The following CALN1 variants were observed in gnomAD, a reference collection of about 807,000 sequenced individuals.
CALN1 encodes the protein calneuron 1, also known as calcium-binding protein 8.
CALN1 carries 17 observed loss-of-function variants against 30.6 expected under a neutral mutation model. That is an observed-to-expected ratio of 0.56 (90% CI 0.38 to 0.83). The LOEUF is 0.83. Ranked by LOEUF, CALN1 falls within the 40% of genes least tolerant of loss-of-function variation. The pLI is 0.00. For missense variants in CALN1, 291 were observed against 354.9 expected (o/e 0.82, Z 1.45); for synonymous variants, 156 against 131.4 (o/e 1.19, Z -1.28).
chr7:72,164,828 T>G (rs1788401551), intron 3 of CALN1, among the ~76,000 whole-genome samples: 1 of 152,152 alleles, frequency 6.6e-6, no homozygotes, highest in Admixed American at 6.5e-5. Context: ...CATGCCTGGC[T>G]AATTTGTTAA....
intron 4 of CALN1, among the ~76,000 whole-genome samples, chr7:72,080,482 T>C (rs1805061551): frequency 6.6e-6 from 1 of 152,208 alleles, no homozygotes; most frequent in Admixed American, 6.5e-5. Context: ...CTATGCCAAG[T>C]GCCTGGGATG....
chr7:72,427,254 G>T (rs1445598353), intron 1 of CALN1, among the ~76,000 whole-genome samples: 1 of 152,120 alleles, frequency 6.6e-6, no homozygotes, highest in East Asian at 1.9e-4. Flanking sequence ...GGGATTACAG[G>T]TGTGAGCCAC....
At chr7:72,322,232 C>T (rs1800932707) in intron 2 of CALN1, among the ~76,000 whole-genome samples, 1 of 152,168 alleles carries the variant, frequency 6.6e-6, no homozygotes, top group Non-Finnish European at 1.5e-5. Context: ...AGGTTGCAAC[C>T]TAGATCCCTT....
chr7:72,033,925 G>A (rs1169379154), intron 4 of CALN1, among the ~76,000 whole-genome samples: 1 of 152,124 alleles, frequency 6.6e-6, no homozygotes, highest in Non-Finnish European at 1.5e-5. Context: ...GGAGGATGGG[G>A]ATTGGAGAAG....
At chr7:72,428,472 G>A (rs556156956) in intron 1 of CALN1, among the ~76,000 whole-genome samples, 1 of 151,566 alleles carries the variant, frequency 6.6e-6, no homozygotes, top group South Asian at 2.1e-4. Flanking sequence ...GCTCACTGCA[G>A]CCTCAACATC....
rs1259538809 is a variant in CALN1, at chr7:71,787,828, T to C, written c.733A>G (p.Ile245Val). The change falls in exon 7 of 7, where the codon ATC (isoleucine) becomes GTC (valine). Residue 245 changes from isoleucine to valine, a missense_variant. Physicochemically the swap from Ile to Val is conservative, Grantham distance 29. Transcript: ENST00000395275. ...TTGGCTGCAATCAGCATGACACTGATGATGAAGGCCATAGCAAAGGCGCAT... is the reference window on the plus strand; with the variant it reads ...TTGGCTGCAATCAGCATGACACTGACGATGAAGGCCATAGCAAAGGCGCAT... Reference protein sequence around the residue: ...LICAFAMAFIISVMLIAANQI... With the variant: ...LICAFAMAFIVSVMLIAANQI... 6.2e-7 allele frequency: 1 copy of C among 1,614,004 alleles called. No individual in the cohort carries two copies. Among genetic ancestry groups the C allele is most frequent in the Non-Finnish European group, 8.5e-7 (1 of 1,180,044 alleles).
intron 5 of CALN1, among the ~76,000 whole-genome samples, chr7:71,936,755 T>A (rs889288156): frequency 6.6e-6 from 1 of 152,116 alleles, no homozygotes; most frequent in Non-Finnish European, 1.5e-5. Context: ...CCCACCCAAA[T>A]CTCATCTTGA....
chr7:71,992,063 T>C (rs1246432924), intron 5 of CALN1, among the ~76,000 whole-genome samples: 1 of 151,920 alleles, frequency 6.6e-6, no homozygotes, highest in South Asian at 2.1e-4. Flanking sequence ...TTGTAAATGA[T>C]GAAAGCACAT....
chr7:72,305,498 C>T (rs1010180899), intron 2 of CALN1, among the ~76,000 whole-genome samples: 1 of 152,180 alleles, frequency 6.6e-6, no homozygotes, highest in South Asian at 2.1e-4. Context: ...GTCCACCATA[C>T]ACTTCTAGCT....
At chr7:72,441,838 T>C (rs1027554534) in intron 1 of CALN1, among the ~76,000 whole-genome samples, 4 of 151,974 alleles carry the variant, frequency 2.6e-5, no homozygotes, top group Non-Finnish European at 5.9e-5. Flanking sequence ...CTGAGATGGC[T>C]TTAAATACCA....
rs188985059 is a variant in CALN1, at chr7:72,367,687, T to A, written c.119+35564A>T. Among the ~76,000 whole-genome samples, 456 of 152,022 alleles carry A rather than the reference T, an allele frequency of 3.0e-3. 2 individuals are homozygous for A. Among genetic ancestry groups the A allele is most frequent in the Admixed American group, 6.4e-3 (98 of 15,248 alleles). On this transcript the variant is annotated intron_variant, in intron 2 of 6. Coordinates refer to ENST00000395275, the MANE Select transcript of CALN1 (RefSeq NM_031468.4). The stretch of plus-strand genomic sequence containing the variant: ...TACAAATAAAAATAAAAATAAAAAT[T>A]AGCCAGGTTTGGTGGCACACGCCTG...
At chr7:72,117,728 T>A (rs1467574706) in intron 3 of CALN1, among the ~76,000 whole-genome samples, 1 of 152,088 alleles carries the variant, frequency 6.6e-6, no homozygotes, top group Non-Finnish European at 1.5e-5. Flanking sequence ...GAGGCCAAGC[T>A]GGGCAGATCA....
At chr7:72,158,301 G>T (rs1258473106) in intron 3 of CALN1, among the ~76,000 whole-genome samples, 1 of 152,168 alleles carries the variant, frequency 6.6e-6, no homozygotes, top group Admixed American at 6.6e-5. Flanking sequence ...CAGCAATGTG[G>T]GGAGAATGGA....
chr7:72,277,505 A>T (rs1797413663), intron 3 of CALN1, among the ~76,000 whole-genome samples: 1 of 151,482 alleles, frequency 6.6e-6, no homozygotes, highest in South Asian at 2.1e-4. Context: ...TGCCCCAATC[A>T]CTCCACTTCT....
intron 5 of CALN1, among the ~76,000 whole-genome samples, chr7:72,017,574 C>T (rs879709126): frequency 4.6e-5 from 7 of 152,080 alleles, no homozygotes; most frequent in Non-Finnish European, 7.3e-5. Flanking sequence ...CGTGTGTGCT[C>T]GGGAGTATTG....
At chr7:72,371,129 G>A (rs1231846840) in intron 2 of CALN1, among the ~76,000 whole-genome samples, 4 of 150,038 alleles carry the variant, frequency 2.7e-5, no homozygotes, top group African/African-American at 9.8e-5. Context: ...TAATGCTTTT[G>A]GTGTCCTATT....
intron 4 of CALN1, among the ~76,000 whole-genome samples, chr7:72,057,165 T>C (rs1803312812): frequency 6.6e-6 from 1 of 152,040 alleles, no homozygotes; most frequent in South Asian, 2.1e-4. Context: ...CAGACTAGTC[T>C]TGAACGCCCG....
chr7:71,865,455 C>T (rs143828456), intron 5 of CALN1, among the ~76,000 whole-genome samples: 85 of 152,354 alleles, frequency 5.6e-4, no homozygotes, highest in African/African-American at 1.9e-3. Flanking sequence ...CCTACAGAAC[C>T]ATGAACCAAT....
At chr7:72,386,797 A>G (rs1805234432) in intron 2 of CALN1, among the ~76,000 whole-genome samples, 1 of 152,086 alleles carries the variant, frequency 6.6e-6, no homozygotes, top group South Asian at 2.1e-4. Flanking sequence ...CACCACACCT[A>G]GCTAATTTAA....
Sources: gnomAD v4.1 joint callset for allele counts (sites outside exome capture counted in the v4.1 genomes callset) on GRCh38, gnomAD v4.1.1 for gene constraint, MANE v1.5 for transcripts, NCBI Gene and HGNC (gene_info 2026-07-23, HGNC 2026-07-21) for gene names.